ADRA1B: variants seen among roughly 807,000 people sequenced by gnomAD.
ADRA1B encodes alpha-1B adrenergic receptor.
In ADRA1B, 17 loss-of-function variants were observed where a neutral mutation model predicts 17.9. The ratio of observed to expected loss-of-function variants is 0.95; its 90% CI spans 0.65 to 1.42. The LOEUF is 1.42. Among genes scored for constraint, ADRA1B ranks in the 40% most tolerant of loss-of-function variants. ADRA1B has a pLI of 0.00. For missense variants in ADRA1B, 681 were observed against 722.1 expected (o/e 0.94, Z 0.65); for synonymous variants, 366 against 327.6 (o/e 1.12, Z -1.27).
the ADRA1B span, among the ~76,000 whole-genome samples, chr5:159,984,594 G>C: frequency 6.6e-6 from 1 of 152,190 alleles, no homozygotes; most frequent in South Asian, 2.1e-4. Context: ...CTACCAGAAT[G>C]ATCTCTTTGA....
At chr5:159,904,160 G>A (rs55669118) in intron 1 of ADRA1B, among the ~76,000 whole-genome samples, 61,968 of 152,026 alleles carry the variant, frequency 0.41, 13,659 homozygotes, top group Non-Finnish European at 0.5. Context: ...TTTAGTATTT[G>A]AACAATGAAA....
intron 1 of ADRA1B, among the ~76,000 whole-genome samples, chr5:159,964,365 A>T (rs1755733655): frequency 6.6e-6 from 1 of 152,216 alleles, no homozygotes; most frequent in South Asian, 2.1e-4. Flanking sequence ...TTCACACCAC[A>T]GTCTGGAGCT....
At position 159,917,077 on chromosome 5, in the gene ADRA1B, T is replaced by G. The variant is rs1426824277; in HGVS notation, c.172T>G (p.Phe58Val). The G allele has an allele frequency of 6.2e-7, 1 of 1,614,030 alleles. No individual in the cohort carries two copies. The highest frequency in any genetic ancestry group is 1.7e-5 in the Admixed American group (1 of 60,004). The change falls in exon 1 of 2, where the codon TTT (phenylalanine) becomes GTT (valine). Residue 58 changes from phenylalanine to valine, a missense_variant. Transcript: ENST00000306675. ...CCTGGTGCTGGGCGCCTTCATCCTC[T>G]TTGCCATCGTGGGCAACATCCTAGT... Reference protein sequence around the residue: ...VGLVLGAFILFAIVGNILVIL... With the variant: ...VGLVLGAFILVAIVGNILVIL...
chr5:159,930,336 A>G lies in ADRA1B; in HGVS notation c.949+12482A>G, dbSNP rs181075556. Among the ~76,000 whole-genome samples, 359 of 152,368 alleles carry G rather than the reference A, an allele frequency of 2.4e-3. 2 individuals carry two copies. Among genetic ancestry groups the G allele is most frequent in the African/African-American group, 8.2e-3 (340 of 41,572 alleles). ...CAGTAAAATGTAAAGTGGTGTTAAA[A>G]CAAATAGGTTAGGCCGGGCGCGGTG... On this transcript the variant is annotated intron_variant, in intron 1 of 1. Transcript: ENST00000306675.
chr5:159,944,460 C>T (rs1265204744), intron 1 of ADRA1B, among the ~76,000 whole-genome samples: 2 of 152,218 alleles, frequency 1.3e-5, no homozygotes, highest in Non-Finnish European at 2.9e-5. Context: ...CAGAGAAAGG[C>T]TAACACTTAG....
intron 1 of ADRA1B, among the ~76,000 whole-genome samples, chr5:159,961,191 C>T (rs1425927175): frequency 6.6e-6 from 1 of 152,194 alleles, no homozygotes; most frequent in Non-Finnish European, 1.5e-5. Flanking sequence ...TTAGAGTCCA[C>T]CACATACTAG....
At chr5:159,910,232 T>A (rs368952931) in intron 1 of ADRA1B, among the ~76,000 whole-genome samples, 26 of 152,148 alleles carry the variant, frequency 1.7e-4, no homozygotes, top group African/African-American at 6.3e-4. Flanking sequence ...CCACCTAGAA[T>A]GTGCATTATC....
chr5:159,948,222 C>CTATAAT, intron 1 of ADRA1B: 1 of 985,448 alleles, frequency 1.0e-6, no homozygotes, highest in Non-Finnish European at 1.2e-6. Context: ...AGTCCTCCTG[C>CTATAAT]ATTACAGCAC....
intron 1 of ADRA1B, chr5:159,947,660 G>A (rs1431289725): frequency 4.1e-6 from 4 of 965,206 alleles, no homozygotes; most frequent in Non-Finnish European, 4.9e-6. Flanking sequence ...ATGAAATGGG[G>A]GACCTGGCTA....
intron 1 of ADRA1B, among the ~76,000 whole-genome samples, chr5:159,905,827 C>G (rs1290638551): frequency 6.6e-6 from 1 of 151,496 alleles, no homozygotes; most frequent in Non-Finnish European, 1.5e-5. Context: ...AGACACTAGG[C>G]AAGAATAAAC....
chr5:159,887,684 C>T (rs1157079733), intron 1 of ADRA1B, among the ~76,000 whole-genome samples: 1 of 152,214 alleles, frequency 6.6e-6, no homozygotes, highest in East Asian at 1.9e-4. Flanking sequence ...CTTCGGTTTA[C>T]ATGAAGCTAT....
At chr5:159,868,307 A>G (rs924643747) in intron 1 of ADRA1B, 2 of 152,232 alleles carry the variant, frequency 1.3e-5, no homozygotes, top group African/African-American at 4.8e-5. Context: ...GCAGACTTTG[A>G]TAAGTTTTAT....
chr5:159,912,859 A>G (rs1412799855), upstream of ADRA1B, among the ~76,000 whole-genome samples: 1 of 152,250 alleles, frequency 6.6e-6, no homozygotes, highest in Non-Finnish European at 1.5e-5. Flanking sequence ...TAGCATTATC[A>G]TCATCTCCCA....
chr5:159,910,426 A>C (rs1227792568), intron 1 of ADRA1B, among the ~76,000 whole-genome samples: 2 of 152,204 alleles, frequency 1.3e-5, no homozygotes, highest in African/African-American at 4.8e-5. Flanking sequence ...CATGGAGTCA[A>C]ATCTCCTGGC....
chr5:159,886,888 T>C (rs1405447574), intron 1 of ADRA1B, among the ~76,000 whole-genome samples: 2 of 152,150 alleles, frequency 1.3e-5, no homozygotes, highest in Admixed American at 6.5e-5. Flanking sequence ...TACATATACA[T>C]ATATATACAT....
chr5:159,956,953 A>AG (rs1755561091), intron 1 of ADRA1B, among the ~76,000 whole-genome samples: 1 of 151,800 alleles, frequency 6.6e-6, no homozygotes, highest in South Asian at 2.1e-4. Context: ...GCTCACTGCC[A>AG]CCTCCACCTC....
rs547552592 is a variant in ADRA1B at position 159,898,330 on chromosome 5, C to T, written c.-255-17789C>T. On this transcript the variant is annotated intron_variant, in intron 1 of 2. Coordinates refer to the ADRA1B transcript ENST00000641205. ...ACTGACTCAGGAGACAGCTGTAAGA[C>T]AGGAGGGCAGAGAAAACTATCGCCC... Among the ~76,000 whole-genome samples, 3 of 152,290 alleles carry T rather than the reference C, an allele frequency of 2.0e-5. No homozygotes were observed. The East Asian group carries it at 5.8e-4, about 29-fold the overall frequency.
chr5:159,978,777 C>T, the ADRA1B span, among the ~76,000 whole-genome samples: 12 of 152,328 alleles, frequency 7.9e-5, no homozygotes, highest in South Asian at 1.0e-3. Context: ...CAGAGGAAAA[C>T]GCTAAAACCT....
At chr5:159,952,607 G>T (rs991453394) in intron 1 of ADRA1B, among the ~76,000 whole-genome samples, 1 of 152,120 alleles carries the variant, frequency 6.6e-6, no homozygotes, top group Non-Finnish European at 1.5e-5. Context: ...TATAAGTGTC[G>T]ATTTCAACAT....
Sources: gnomAD v4.1 joint callset for allele counts (sites outside exome capture counted in the v4.1 genomes callset) on GRCh38, gnomAD v4.1.1 for gene constraint, MANE v1.5 for transcripts, NCBI Gene and HGNC (gene_info 2026-07-23, HGNC 2026-07-21) for gene names.